The following PDE8B variants were observed in gnomAD, a reference collection of about 807,000 sequenced individuals.
PDE8B encodes the protein phosphodiesterase 8B, also known as high affinity cAMP-specific and IBMX-insensitive 3',5'-cyclic phosphodiesterase 8B.
In PDE8B, 26 loss-of-function variants were observed where a neutral mutation model predicts 101.3. The observed-to-expected ratio is 0.26, with a 90% CI of 0.19 to 0.36. The LOEUF (loss-of-function observed/expected upper bound fraction) is 0.36. Ranked by LOEUF, PDE8B falls within the 10% of genes least tolerant of loss-of-function variation. The pLI, the probability that PDE8B is intolerant of heterozygous loss-of-function variation, is 1.00. For synonymous variants in PDE8B, 424 were observed against 429.3 expected (o/e 0.99, Z 0.15); for missense variants, 810 against 1,163.1 (o/e 0.70, Z 4.42).
At chr5:77,184,652 G>A in the PDE8B span, among the ~76,000 whole-genome samples, 1 of 152,078 alleles carries the variant, frequency 6.6e-6, no homozygotes, top group Non-Finnish European at 1.5e-5. Flanking sequence ...CTATGCTGCA[G>A]CCACAAATCA....
the PDE8B span, chr5:77,144,950 A>G: frequency 6.6e-6 from 1 of 152,160 alleles, no homozygotes; most frequent in Non-Finnish European, 1.5e-5. Context: ...TAATTATTTA[A>G]TAAACAGTAT....
At chr5:77,089,002 A>G in the PDE8B span, among the ~76,000 whole-genome samples, 1 of 152,206 alleles carries the variant, frequency 6.6e-6, no homozygotes. Flanking sequence ...ACAATCCACC[A>G]TTCCAATAAT....
the PDE8B span, among the ~76,000 whole-genome samples, chr5:77,201,511 G>A: frequency 6.6e-6 from 1 of 152,098 alleles, no homozygotes; most frequent in Non-Finnish European, 1.5e-5. Flanking sequence ...GACACTTTCT[G>A]GTTTCTAGAC....
intron 1 of PDE8B, among the ~76,000 whole-genome samples, chr5:77,302,561 T>A (rs994152243): frequency 6.6e-6 from 1 of 152,216 alleles, no homozygotes; most frequent in Admixed American, 6.5e-5. Flanking sequence ...CCCTACCTGC[T>A]TCCTCTTTCC....
At chr5:77,387,991 G>T (rs1216071816) in intron 10 of PDE8B, among the ~76,000 whole-genome samples, 1 of 151,880 alleles carries the variant, frequency 6.6e-6, no homozygotes, top group Non-Finnish European at 1.5e-5. Context: ...TTTTTTCAAG[G>T]TTCTTAGTTT....
chr5:77,278,531 G>A (rs149787063), intron 1 of PDE8B, among the ~76,000 whole-genome samples: 406 of 152,110 alleles, frequency 2.7e-3, no homozygotes, highest in Middle Eastern at 6.8e-3. Flanking sequence ...GTGCAGTGGC[G>A]CGATCTTGTC....
At chr5:77,293,195 C>T (rs1767768871) in intron 1 of PDE8B, among the ~76,000 whole-genome samples, 1 of 152,016 alleles carries the variant, frequency 6.6e-6, no homozygotes. Flanking sequence ...AAAATTGGGT[C>T]AGTTCTAGAT....
At chr5:77,127,226 T>C in the PDE8B span, among the ~76,000 whole-genome samples, 1 of 152,112 alleles carries the variant, frequency 6.6e-6, no homozygotes, top group Non-Finnish European at 1.5e-5. Context: ...GTGCTGAGGG[T>C]GGGGCCTGTA....
chr5:77,167,524 T>A, the PDE8B span, among the ~76,000 whole-genome samples: 4 of 152,336 alleles, frequency 2.6e-5, no homozygotes, highest in East Asian at 7.7e-4. Flanking sequence ...TGCACAGCAC[T>A]TTCCAGGGCA....
intron 20 of PDE8B, among the ~76,000 whole-genome samples, chr5:77,424,447 A>G (rs1797464524): frequency 6.6e-6 from 1 of 152,238 alleles, no homozygotes; most frequent in Admixed American, 6.5e-5. Flanking sequence ...TGCGGATCCT[A>G]ATACTCAGCT....
intron 1 of PDE8B, among the ~76,000 whole-genome samples, chr5:77,296,463 A>G (rs1439063521): frequency 6.6e-6 from 1 of 151,964 alleles, no homozygotes; most frequent in African/African-American, 2.4e-5. Context: ...GTGTCTCACC[A>G]TGTTACCTAG....
chr5:77,136,838 G>A, the PDE8B span, among the ~76,000 whole-genome samples: 1 of 152,090 alleles, frequency 6.6e-6, no homozygotes, highest in East Asian at 1.9e-4. Context: ...GAAACTTCTG[G>A]TTCAGTTTTT....
At chr5:77,214,335 C>T (rs1010036273) in intron 1 of PDE8B, among the ~76,000 whole-genome samples, 5 of 152,228 alleles carry the variant, frequency 3.3e-5, no homozygotes, top group African/African-American at 1.2e-4. Context: ...GTGGATCAGA[C>T]ACAGGATGTT....
At chr5:77,160,290 A>C in the PDE8B span, among the ~76,000 whole-genome samples, 2 of 152,178 alleles carry the variant, frequency 1.3e-5, no homozygotes, top group Admixed American at 6.5e-5. Context: ...ATCTCTCAGC[A>C]TGCATTGGGG....
the PDE8B span, among the ~76,000 whole-genome samples, chr5:77,125,418 T>C: frequency 1.3e-5 from 2 of 152,164 alleles, no homozygotes; most frequent in African/African-American, 4.8e-5. Flanking sequence ...CTTCAAAAAG[T>C]TAAACAGAGA....
intron 1 of PDE8B, among the ~76,000 whole-genome samples, chr5:77,276,030 G>C (rs1333488390): frequency 2.0e-5 from 3 of 152,190 alleles, no homozygotes; most frequent in Non-Finnish European, 4.4e-5. Flanking sequence ...TGTAGTTCCT[G>C]TGTGACGAAT....
the PDE8B span, among the ~76,000 whole-genome samples, chr5:77,200,960 G>T: frequency 6.6e-6 from 1 of 152,200 alleles, no homozygotes; most frequent in Non-Finnish European, 1.5e-5. Flanking sequence ...CAAGAAGGGA[G>T]AGACTTTCTG....
intron 1 of PDE8B, among the ~76,000 whole-genome samples, chr5:77,240,193 G>T (rs1210298425): frequency 2.6e-5 from 4 of 151,694 alleles, no homozygotes; most frequent in African/African-American, 9.7e-5. Flanking sequence ...TCGCTCTATT[G>T]CCCAGGCTGG....
chr5:77,381,597 G>A (rs1379674732), intron 10 of PDE8B, among the ~76,000 whole-genome samples: 1 of 151,736 alleles, frequency 6.6e-6, no homozygotes, highest in Non-Finnish European at 1.5e-5. Flanking sequence ...AAAGTCTCAT[G>A]ATTTTTTATT....
Sources: allele counts gnomAD v4.1 joint callset (sites outside exome capture counted in the v4.1 genomes callset), GRCh38; gene constraint gnomAD v4.1.1; transcripts MANE v1.5; gene names NCBI Gene and HGNC (gene_info 2026-07-23, HGNC 2026-07-21).